Variants in CENPI observed in about 807,000 individuals in gnomAD.
CENPI encodes the protein FSH primary response 1.
Under a neutral mutation model 60.4 loss-of-function variants are expected in CENPI, and 4 were observed. The ratio of observed to expected loss-of-function variants is 0.07; its 90% CI spans 0.03 to 0.15. The LOEUF is 0.15. Ranked by LOEUF, CENPI falls within the 10% of genes least tolerant of loss-of-function variation. The pLI is 1.00. For synonymous variants in CENPI, 157 were observed against 189.4 expected, an observed-to-expected ratio of 0.83 and a Z score of 1.40; for missense variants, 444 against 534.5, an observed-to-expected ratio of 0.83 and a Z score of 1.67.
chrX:101,120,544 T>C lies in CENPI; in HGVS notation c.640+94T>C, dbSNP rs2089666388. On this transcript the variant is annotated intron_variant, in intron 7 of 21. Transcript: ENST00000682095. ...AAAATAACTATTAGCATTAGTTATATGACAGAAGTCATTTTGTGGAAATTG... is the reference window on the plus strand; with the variant it reads ...AAAATAACTATTAGCATTAGTTATACGACAGAAGTCATTTTGTGGAAATTG... 2.5e-5 allele frequency: 15 copies of C among 601,574 alleles called. No homozygotes were observed. In the South Asian group the frequency reaches 4.2e-4, roughly 17 times the overall value. 49.6% of individuals were successfully genotyped at this position (601,574 alleles called of 1,213,427 possible).
the CENPI span, among the ~76,000 whole-genome samples, chrX:101,172,829 A>G: frequency 2.7e-5 from 3 of 111,083 alleles, no homozygotes; most frequent in Non-Finnish European, 5.7e-5. Flanking sequence ...GTAATCTTAA[A>G]GCTCTTATAT....
the CENPI span, among the ~76,000 whole-genome samples, chrX:101,180,372 A>G: frequency 9.0e-6 from 1 of 111,208 alleles, no homozygotes; most frequent in East Asian, 2.8e-4. Context: ...CCTGGGCTCA[A>G]GTGATCCTCC....
chrX:101,147,265 G>A (rs900421181), intron 18 of CENPI, among the ~76,000 whole-genome samples: 18 of 109,175 alleles, frequency 1.6e-4, no homozygotes, highest in African/African-American at 5.0e-4. Flanking sequence ...TGTGCAGAAC[G>A]TGCAGGTTTG....
At chrX:101,171,545 T>C in the CENPI span, among the ~76,000 whole-genome samples, 1 of 111,459 alleles carries the variant, frequency 9.0e-6, no homozygotes, top group Admixed American at 9.6e-5. Context: ...CACTCAATCT[T>C]CCTGCTTCAG....
At chrX:101,140,508 G>A (rs2089905709) in intron 15 of CENPI, among the ~76,000 whole-genome samples, 158 bp from the exon 16 acceptor site, 1 of 112,400 alleles carries the variant, frequency 8.9e-6, no homozygotes, top group African/African-American at 3.2e-5. Flanking sequence ...GCATTCGTCT[G>A]TCTTCTGGAG....
chrX:101,121,702 A>G (rs1423944928), intron 8 of CENPI, among the ~76,000 whole-genome samples: 6 of 110,899 alleles, frequency 5.4e-5, no homozygotes, highest in African/African-American at 2.0e-4. Context: ...GTCAAACAGC[A>G]AACATTGTTT....
At chrX:101,135,781 C>T (rs936878249) in intron 15 of CENPI, among the ~76,000 whole-genome samples, 4 of 111,158 alleles carry the variant, frequency 3.6e-5, no homozygotes, top group South Asian at 3.8e-4. Flanking sequence ...AGTGCAGTGG[C>T]GTGATCTTGG....
rs1347636584 is a variant in CENPI, at chrX:101,165,886, G to A, written c.*2919G>A. Among the ~76,000 whole-genome samples the A allele has an allele frequency of 8.9e-6, 1 of 111,952 alleles. No individual in the cohort carries two copies. Among genetic ancestry groups the A allele is most frequent in the African/African-American group, 3.2e-5 (1 of 30,860 alleles). On this transcript the variant is annotated 3_prime_UTR_variant, in exon 22 of 22. Transcript: ENST00000682095. ...AACTTCAGCTGCTTTTTAAGTAAAT[G>A]TGATAGTTTGTACTGCAAATAACTT...
rs755645427 is a variant in CENPI at position 101,162,827 on chromosome X, C to T, written c.2137-6C>T. 3.3e-6 allele frequency: 4 copies of T among 1,207,340 alleles called. No homozygotes were observed. The highest frequency in any genetic ancestry group is 5.9e-5 in the East Asian group (2 of 33,692). On this transcript the variant is annotated splice_polypyrimidine_tract_variant and splice_region_variant and intron_variant, in intron 21 of 21. Transcript: ENST00000682095. ...ATAAGTAATTTTCCTTTTTCTGTGC[C>T]TGCAGGGAAAGAAATGGAGCTGGTA... is the stretch of plus-strand genomic sequence containing the variant.
chrX:101,148,431 A>T (rs997911793), intron 20 of CENPI, among the ~76,000 whole-genome samples: 1 of 111,922 alleles, frequency 8.9e-6, no homozygotes, highest in African/African-American at 3.2e-5. Context: ...GAAAAGGTTC[A>T]GTTGTAAGAA....
At chrX:101,124,344 G>A (rs1268652120) in intron 8 of CENPI, among the ~76,000 whole-genome samples, 1 of 110,447 alleles carries the variant, frequency 9.1e-6, no homozygotes. Context: ...TCTTCTTCTG[G>A]GACCTCTTCT....
intron 8 of CENPI, among the ~76,000 whole-genome samples, chrX:101,123,065 C>T (rs1366298444): frequency 8.9e-6 from 1 of 112,007 alleles, no homozygotes; most frequent in Non-Finnish European, 1.9e-5. Context: ...TCAGTAAGTA[C>T]CCATTTATAA....
intron 21 of CENPI, among the ~76,000 whole-genome samples, 153 bp downstream of exon 21, chrX:101,161,722 T>C (rs1403193680): frequency 2.7e-5 from 3 of 112,151 alleles, no homozygotes; most frequent in African/African-American, 9.7e-5. Context: ...CCAGTGACTT[T>C]AATGTGAATT....
chrX:101,125,650 G>A (rs969260496), intron 8 of CENPI, among the ~76,000 whole-genome samples: 33 of 111,187 alleles, frequency 3.0e-4, no homozygotes, highest in African/African-American at 1.0e-3. Context: ...CACCCACTTC[G>A]GCCTTCCAAA....
At chrX:101,126,576 T>C (rs985685036) in intron 8 of CENPI, 133 bp from the exon 9 acceptor site, 5 of 493,695 alleles carry the variant, frequency 1.0e-5, no homozygotes, top group African/African-American at 9.5e-5. Flanking sequence ...CCTTGATTTT[T>C]GATAGCATCT....
chrX:101,157,674 T>G (rs1481244570), intron 20 of CENPI, among the ~76,000 whole-genome samples: 11 of 105,285 alleles, frequency 1.0e-4, no homozygotes, highest in African/African-American at 2.8e-4. Context: ...AAAAAAGGAC[T>G]TTTTTTTGGT....
At chrX:101,153,708 G>T (rs1454807072) in intron 20 of CENPI, among the ~76,000 whole-genome samples, 1 of 111,857 alleles carries the variant, frequency 8.9e-6, no homozygotes, top group African/African-American at 3.2e-5. Context: ...CTCCAATTTT[G>T]TGGGTTGTCT....
At chrX:101,109,373 G>A (rs1022381748) in intron 4 of CENPI, 100 bp from the exon 5 acceptor site, 14 of 656,870 alleles carry the variant, frequency 2.1e-5, no homozygotes, top group Non-Finnish European at 3.3e-5. Flanking sequence ...GAGCTGCCGC[G>A]CCCAGCCTAA....
chrX:101,178,730 AACTTTCACCCT>A, the CENPI span, among the ~76,000 whole-genome samples: 1 of 111,729 alleles, frequency 9.0e-6, no homozygotes, highest in African/African-American at 3.3e-5. Context: ...CTGCTTAAAG[AACTTTCACCCT>A]ATAAGCCACT....
Sources: gnomAD v4.1 joint callset for allele counts (sites outside exome capture counted in the v4.1 genomes callset) on GRCh38, gnomAD v4.1.1 for gene constraint, MANE v1.5 for transcripts, NCBI Gene and HGNC (gene_info 2026-07-23, HGNC 2026-07-21) for gene names.